The following PCLO variants were observed in gnomAD, a reference collection of about 807,000 sequenced individuals.
PCLO encodes piccolo presynaptic cytomatrix protein, also known as protein piccolo.
In PCLO, 82 loss-of-function variants were observed where a neutral mutation model predicts 427.5. That is an observed-to-expected ratio of 0.19 (90% confidence interval 0.16 to 0.23). The LOEUF is 0.23. PCLO is among the 10% of genes least tolerant of loss of function. The pLI is 1.00. For missense variants in PCLO, 6,239 were observed against 6,115.9 expected, an observed-to-expected ratio of 1.02 and a Z score of -0.67; for synonymous variants, 2,357 against 2,155.4, an observed-to-expected ratio of 1.09 and a Z score of -2.59.
At chr7:82,793,289 TG>T (rs1305523831) in intron 22 of PCLO, among the ~76,000 whole-genome samples, 1 of 152,156 alleles carries the variant, frequency 6.6e-6, no homozygotes, top group East Asian at 1.9e-4. Context: ...CCTTCCCACC[TG>T]GGGTTTTTAA....
chr7:83,157,691 T>C (rs980485006), intron 1 of PCLO, among the ~76,000 whole-genome samples: 1 of 151,922 alleles, frequency 6.6e-6, no homozygotes, highest in East Asian at 1.9e-4. Flanking sequence ...ATTCATACTT[T>C]AGTGATAAAG....
intron 3 of PCLO, among the ~76,000 whole-genome samples, chr7:83,078,933 T>C (rs1253895649): frequency 1.3e-5 from 2 of 152,106 alleles, no homozygotes; most frequent in Non-Finnish European, 2.9e-5. Context: ...AATACAACTA[T>C]CTTAAACATT....
intron 3 of PCLO, among the ~76,000 whole-genome samples, chr7:83,069,778 T>TCCCCCCCCCCCCCCCCC: frequency 2.5e-5 from 1 of 39,946 alleles, no homozygotes. Flanking sequence ...ATTCTCCACC[T>TCCCCCCCCCCCCCCCCC]CCCCCACCCC....
rs1792260066 is a variant in PCLO at position 83,155,477 on chromosome 7, T to C, written c.1164A>G (p.Pro388=). ...CTCCAGGAGGCTGAGCTAAAGCCTT[T>C]GGCCCAGGCTGCTCCGATGAAGGCT... The part of the protein sequence containing the change: ...SEKPSSEQPG[P]KALAQPPGVG... The change falls in exon 2 of 25, where the codon CCA becomes CCG. Residue 388 remains proline (P), a synonymous_variant. Transcript: ENST00000333891. 1.9e-6 allele frequency: 3 copies of C among 1,613,442 alleles called. No individual in the cohort carries two copies. The highest frequency in any genetic ancestry group is 1.7e-5 in the Admixed American group (1 of 59,950).
chr7:82,889,969 T>C (rs1793719061), intron 9 of PCLO, among the ~76,000 whole-genome samples: 1 of 151,864 alleles, frequency 6.6e-6, no homozygotes, highest in Non-Finnish European at 1.5e-5. Context: ...AAATTATGGC[T>C]TCTATTTTTA....
intron 3 of PCLO, among the ~76,000 whole-genome samples, chr7:83,106,609 T>TA (rs1562966908): frequency 6.6e-6 from 1 of 152,122 alleles, no homozygotes; most frequent in Admixed American, 6.6e-5. Context: ...GCCATTCTTT[T>TA]AAAAAAGATC....
At chr7:83,125,692 T>C (rs1049824299) in intron 3 of PCLO, among the ~76,000 whole-genome samples, 17 of 152,124 alleles carry the variant, frequency 1.1e-4, no homozygotes, top group African/African-American at 3.9e-4. Context: ...GGCAGCATGC[T>C]CCTTAAGAGT....
chr7:82,765,034 G>T (rs141169764), intron 22 of PCLO, among the ~76,000 whole-genome samples: 1 of 151,918 alleles, frequency 6.6e-6, no homozygotes, highest in East Asian at 1.9e-4. Flanking sequence ...TTACAAAGAA[G>T]ACATTAGTGG....
chr7:82,760,405 G>A (rs1382622907), intron 24 of PCLO, among the ~76,000 whole-genome samples: 1 of 151,890 alleles, frequency 6.6e-6, no homozygotes, highest in Non-Finnish European at 1.5e-5. Context: ...GAAATAAGAA[G>A]AATCTATGTA....
rs528602459 is a variant in PCLO, at chr7:83,095,928, C to T, written c.3300+38322G>A. 2.0e-5 allele frequency among the ~76,000 whole-genome samples: 3 copies of T among 152,096 alleles called. No homozygotes were observed. The East Asian group carries it at 5.8e-4, about 29-fold the overall frequency. ...TGTTGGATGAGGGTTTTATAAACGTCTATTAGATCCTGGTTATAAAACTTA... is the reference window on the plus strand; with the variant it reads ...TGTTGGATGAGGGTTTTATAAACGTTTATTAGATCCTGGTTATAAAACTTA... On this transcript the variant is annotated intron_variant, in intron 3 of 24. Transcript: ENST00000333891.
chr7:82,805,214 T>C (rs1318521190), intron 21 of PCLO, among the ~76,000 whole-genome samples: 1 of 152,166 alleles, frequency 6.6e-6, no homozygotes, highest in Non-Finnish European at 1.5e-5. Context: ...TCAATGTTAA[T>C]TGTAGAAGGA....
chr7:83,129,137 C>A (rs1334095669), intron 3 of PCLO, among the ~76,000 whole-genome samples: 1 of 152,092 alleles, frequency 6.6e-6, no homozygotes, highest in Non-Finnish European at 1.5e-5. Context: ...CTGAACTATA[C>A]CTTTGTGGCT....
chr7:82,779,198 A>C (rs1054976870), intron 22 of PCLO, among the ~76,000 whole-genome samples: 1 of 152,144 alleles, frequency 6.6e-6, no homozygotes. Flanking sequence ...ATTGTTAAAA[A>C]GTTCTTTTTA....
rs1554396311 is a variant in PCLO at position 83,096,830 on chromosome 7, A to AAATATATT, written c.3300+37419_3300+37420insAATATATT. Among the ~76,000 whole-genome samples the AAATATATT allele has an allele frequency of 1.4e-3, 56 of 41,366 alleles. 9 individuals are homozygous for AAATATATT. The highest frequency in any genetic ancestry group is 2.8e-3 in the African/African-American group (23 of 8,088). The allele number at this position is 41,366 out of a possible 152,430, so 27.1% of individuals were successfully genotyped here. On this transcript the variant is annotated intron_variant, in intron 3 of 24. Coordinates refer to ENST00000333891, the MANE Select transcript of PCLO (RefSeq NM_033026.6). ...ATATTATATAATATAAATATATAAA[A>AAATATATT]ATATATTATATAATATAAATATATA... is the stretch of plus-strand genomic sequence containing the variant.
At chr7:83,006,055 T>G (rs1373047252) in intron 3 of PCLO, among the ~76,000 whole-genome samples, 1 of 151,632 alleles carries the variant, frequency 6.6e-6, no homozygotes, top group Non-Finnish European at 1.5e-5. Flanking sequence ...ATTTTAACTG[T>G]ACGCAATGCA....
intron 18 of PCLO, among the ~76,000 whole-genome samples, chr7:82,825,541 G>A (rs1791913813): frequency 6.6e-6 from 1 of 151,218 alleles, no homozygotes; most frequent in Non-Finnish European, 1.5e-5. Context: ...GTAGGTTTTG[G>A]ATTTTTTGGA....
In PCLO at chr7:82,756,736, G is replaced by A. The variant is rs1790327205; in HGVS notation, c.*1839C>T. 1.3e-5 allele frequency: 2 copies of A among 151,936 alleles called. No homozygotes were observed. Among genetic ancestry groups the A allele is most frequent in the South Asian group, 4.1e-4 (2 of 4,820 alleles). The allele number at this position is 151,936 out of a possible 1,614,324, so 9.4% of individuals were successfully genotyped here. On this transcript the variant is annotated 3_prime_UTR_variant, in exon 25 of 25. Coordinates refer to ENST00000333891, the MANE Select transcript of PCLO (RefSeq NM_033026.6). ...GCAGGTTTTAAGCTCAGAATGCTCT[G>A]AGAAGCAATTTGATTTATTTCTTTT...
At chr7:83,009,338 T>C (rs920786384) in intron 3 of PCLO, among the ~76,000 whole-genome samples, 7 of 151,864 alleles carry the variant, frequency 4.6e-5, no homozygotes, top group Admixed American at 1.3e-4. Context: ...TACTGTGAAA[T>C]TAACACTAGA....
At chr7:82,943,656 G>T (rs959154967) in intron 6 of PCLO, among the ~76,000 whole-genome samples, 8 of 151,930 alleles carry the variant, frequency 5.3e-5, no homozygotes, top group African/African-American at 1.2e-4. Flanking sequence ...GATCATCTGG[G>T]GTAGGATGTA....
Sources: gnomAD v4.1 joint callset for allele counts (sites outside exome capture counted in the v4.1 genomes callset) on GRCh38, gnomAD v4.1.1 for gene constraint, MANE v1.5 for transcripts, NCBI Gene and HGNC (gene_info 2026-07-23, HGNC 2026-07-21) for gene names.